The following COL17A1 variants were observed in gnomAD, a reference collection of about 807,000 sequenced individuals.
COL17A1 encodes the protein collagen type XVII alpha 1 chain.
In COL17A1, 181 loss-of-function variants were observed where a neutral mutation model predicts 218.4. That is an observed-to-expected ratio of 0.83 (90% CI 0.73 to 0.94). COL17A1 has a LOEUF of 0.94. COL17A1 is among the 40% of genes least tolerant of loss of function. The pLI is 0.00. For synonymous variants in COL17A1, 721 were observed against 731.0 expected (o/e 0.99, Z 0.22); for missense variants, 1,924 against 1,945.9 (o/e 0.99, Z 0.21).
intron 27 of COL17A1, 116 bp downstream of exon 27, chr10:104,050,505 G>A: frequency 1.3e-6 from 2 of 1,554,180 alleles, no homozygotes; most frequent in Non-Finnish European, 8.9e-7. Context: ...GGTTGGATTA[G>A]AATGAGATCT....
rs369317081 is a variant in COL17A1 at position 104,052,332 on chromosome 10, A to G, written c.1940-115T>C. ...CCACCCTGCTAGTGGTCTTGGATCCATTTGGTGCCCCAGTGAGGCCACTTA... is the reference window on the plus strand; with the variant it reads ...CCACCCTGCTAGTGGTCTTGGATCCGTTTGGTGCCCCAGTGAGGCCACTTA... On this transcript the variant is annotated intron_variant, in intron 23 of 55. Transcript: ENST00000648076. The G allele has an allele frequency of 3.6e-5, 50 of 1,390,996 alleles. No homozygotes were observed. The East Asian group carries it at 6.4e-4, about 18-fold the overall frequency. 86.2% of individuals were successfully genotyped at this position (1,390,996 alleles called of 1,614,324 possible).
chr10:104,074,140 T>C, intron 6 of COL17A1, 44 bp downstream of exon 6: 2 of 1,613,834 alleles, frequency 1.2e-6, no homozygotes, highest in Non-Finnish European at 1.7e-6. Flanking sequence ...ATTTTCCTAG[T>C]GCCTCGTTTG....
At chr10:104,047,684 C>T (rs2086426046) in intron 31 of COL17A1, 55 bp downstream of exon 31, 5 of 1,447,864 alleles carry the variant, frequency 3.5e-6, no homozygotes, top group African/African-American at 1.4e-5. Flanking sequence ...CATCCACACA[C>T]ACAAAGCACA....
intron 54 of COL17A1, 66 bp from the exon 55 acceptor site, chr10:104,032,820 G>A (rs1205537936): frequency 5.0e-6 from 8 of 1,608,624 alleles, no homozygotes; most frequent in East Asian, 4.5e-5. Flanking sequence ...ACAGGTAGCC[G>A]GTGTGGCACC....
chr10:104,070,663 T>C, intron 8 of COL17A1, 94 bp from the exon 9 acceptor site: 2 of 1,609,178 alleles, frequency 1.2e-6, no homozygotes, highest in Admixed American at 1.7e-5. Context: ...TTCTGACTAC[T>C]GGGGAGAATG....
intron 16 of COL17A1, 52 bp from the exon 17 acceptor site, chr10:104,057,224 C>T: frequency 3.1e-6 from 5 of 1,613,382 alleles, no homozygotes; most frequent in South Asian, 1.1e-5. Context: ...CCTGCCTTTT[C>T]CCTCCAGATT....
At position 104,057,276 on chromosome 10, in the gene COL17A1, G is replaced by T. The variant is rs201406574; in HGVS notation, c.1268-104C>A. The T allele has an allele frequency of 3.1e-4, 486 of 1,582,344 alleles. 1 individual carries two copies. The highest frequency in any genetic ancestry group is 1.7e-3 in the Middle Eastern group (8 of 4,816). ...CTTTCTGGCCTGAGTGACTACGACT[G>T]GGGGCTTTCAAGTTCCTGTGCTGTT... On this transcript the variant is annotated intron_variant, in intron 16 of 55. Transcript: ENST00000648076.
At chr10:104,070,724 T>C (rs1184134500) in intron 8 of COL17A1, among the ~76,000 whole-genome samples, 155 bp from the exon 9 acceptor site, 1 of 152,208 alleles carries the variant, frequency 6.6e-6, no homozygotes, top group Non-Finnish European at 1.5e-5. Flanking sequence ...AATATTCACA[T>C]TTTACTAATG....
chr10:104,069,267 A>G (rs73329777), intron 9 of COL17A1, among the ~76,000 whole-genome samples: 191 of 152,340 alleles, frequency 1.3e-3, no homozygotes, highest in African/African-American at 4.4e-3. Context: ...CCACCTCCCA[A>G]CTGCCACCGC....
At position 104,032,079 on chromosome 10, in the gene COL17A1, A is replaced by G; in HGVS notation, c.*156T>C. 1 of 679,820 alleles carries G rather than the reference A, an allele frequency of 1.5e-6. No individual in the cohort carries two copies. The highest frequency in any genetic ancestry group is 2.7e-5 in the East Asian group (1 of 37,012). 42.1% of individuals were successfully genotyped at this position (679,820 alleles called of 1,614,324 possible). ...ATCTTTGACTGAATTCTATAAGTAT[A>G]TATTGTTCAGACTAAAACAAATGTT... On this transcript the variant is annotated 3_prime_UTR_variant, in exon 56 of 56. Transcript: ENST00000648076.
rs2086243064 is a variant in COL17A1 at position 104,033,980 on chromosome 10, T to C, written c.4121A>G (p.Asn1374Ser). 6.2e-6 allele frequency: 10 copies of C among 1,614,044 alleles called. No individual in the cohort carries two copies. In the Admixed American group the frequency reaches 6.7e-5, roughly 11 times the overall value. The change falls in exon 52 of 56, where the codon AAT becomes AGT. Residue 1374 changes from asparagine (N) to serine (S), a missense_variant. By Grantham distance (46) the Asn-to-Ser change is conservative (BLOSUM62 1). Transcript: ENST00000648076. Reference protein sequence around the residue: ...GADFAGDLDYNELAVRVSESM... With the variant: ...GADFAGDLDYSELAVRVSESM... ...CTCTGACACCCTCACAGCCAGCTCA[T>C]TGTAATCCAGATCTCCAGCAAAGTC...
rs11369650 is a variant in COL17A1, at chr10:104,079,926, C to CAA, written c.52+694_52+695dup. 9.9e-3 allele frequency among the ~76,000 whole-genome samples: 1,333 copies of CAA among 134,690 alleles called. 13 individuals are homozygous for CAA. Among genetic ancestry groups the CAA allele is most frequent in the Non-Finnish European group, 0.014 (916 of 63,312 alleles). The allele number at this position is 134,690 out of a possible 152,430, so 88.4% of individuals were successfully genotyped here. A position where few individuals can be genotyped will look rare whatever the true frequency, so the allele number is the denominator to read the frequency against. On this transcript the variant is annotated intron_variant, in intron 2 of 55. Coordinates refer to ENST00000648076, the MANE Select transcript of COL17A1 (RefSeq NM_000494.4). ...TGGGCAACAGAGCAAGACTCCGTCT[C>CAA]AAAAAAAAAAAAAAAGGAAATGTTT... is the stretch of plus-strand genomic sequence containing the variant.
At chr10:104,052,900 A>G in intron 23 of COL17A1, 131 bp downstream of exon 23, 1 of 1,149,644 alleles carries the variant, frequency 8.7e-7, no homozygotes, top group South Asian at 1.2e-5. Flanking sequence ...ACAGACCCTG[A>G]CTCAGGGTGG....
intron 28 of COL17A1, among the ~76,000 whole-genome samples, 182 bp from the exon 29 acceptor site, chr10:104,049,653 T>C (rs1261496165): frequency 6.6e-6 from 1 of 152,170 alleles, no homozygotes; most frequent in East Asian, 1.9e-4. Context: ...CTAATCAGAA[T>C]CATGGGCATG....
Position 104,033,828 on chromosome 10 carries a change from C to T in COL17A1, c.4156+117G>A. ...GGCTGGGGCTGCCTGTCCCCTCCAG[C>T]CCCTGCCTGCTTGATTCTGTCTTCA... On this transcript the variant is annotated intron_variant, in intron 52 of 55. Transcript: ENST00000648076. 6.0e-6 allele frequency: 9 copies of T among 1,498,374 alleles called. No individual in the cohort carries two copies. The South Asian group carries it at 8.6e-5, about 14-fold the overall frequency. The allele number at this position is 1,498,374 out of a possible 1,614,324, so 92.8% of individuals were successfully genotyped here.
intron 55 of COL17A1, 85 bp from the exon 56 acceptor site, chr10:104,032,375 C>G: frequency 8.7e-7 from 1 of 1,149,778 alleles, no homozygotes; most frequent in Non-Finnish European, 1.3e-6. Flanking sequence ...GCAACCGTGA[C>G]TACTGCAAAG....
intron 18 of COL17A1, 65 bp from the exon 19 acceptor site, chr10:104,055,466 A>ACACACC (rs2086513199): frequency 6.7e-7 from 1 of 1,495,352 alleles, no homozygotes; most frequent in Non-Finnish European, 9.3e-7. Context: ...ACACACACAC[A>ACACACC]CACACACACA....
At chr10:104,072,127 T>A in intron 7 of COL17A1, 48 bp from the exon 8 acceptor site, 1 of 1,612,904 alleles carries the variant, frequency 6.2e-7, no homozygotes, top group Non-Finnish European at 8.5e-7. Flanking sequence ...GGAGCTTAGA[T>A]CACAATCCCT....
Position 104,034,237 on chromosome 10 carries a change from G to C in COL17A1, c.3864C>G (p.His1288Gln), listed in dbSNP as rs563128052. 1.9e-6 allele frequency: 3 copies of C among 1,611,422 alleles called. No homozygotes were observed. Among genetic ancestry groups the C allele is most frequent in the African/African-American group, 2.7e-5 (2 of 75,004 alleles). Reference protein sequence around the residue: ...DSRLLSTDASHSRGSSSSSHS... With the variant: ...DSRLLSTDASQSRGSSSSSHS... ...GTGAGGAGGAGCTGCTACCCCGACT[G>C]TGGGAGGCATCCGTGGACAGGAGGC... is the stretch of plus-strand genomic sequence containing the variant. The change falls in exon 52 of 56, where the codon CAC (histidine) becomes CAG (glutamine). Residue 1288 changes from histidine to glutamine, a missense_variant. Transcript: ENST00000648076.
Sources: gnomAD v4.1 joint callset for allele counts (sites outside exome capture counted in the v4.1 genomes callset) on GRCh38, gnomAD v4.1.1 for gene constraint, MANE v1.5 for transcripts, NCBI Gene and HGNC (gene_info 2026-07-23, HGNC 2026-07-21) for gene names.